The following RAB31 variants were observed in gnomAD, a reference collection of about 807,000 sequenced individuals.
RAB31 encodes the protein ras-related protein Rab-31.
In RAB31, 21 loss-of-function variants were observed where a neutral mutation model predicts 25.6. The ratio of observed to expected loss-of-function variants is 0.82; its 90% CI spans 0.58 to 1.18. The LOEUF is 1.18. RAB31 is among the 50% of genes most tolerant of loss of function. The pLI, the probability that RAB31 is intolerant of heterozygous loss-of-function variation, is 0.00. For missense variants in RAB31, 196 were observed against 250.1 expected, an observed-to-expected ratio of 0.78 and a Z score of 1.46; for synonymous variants, 87 against 84.0, an observed-to-expected ratio of 1.04 and a Z score of -0.20.
At chr18:9,790,405 A>G (rs77227321) in intron 2 of RAB31, among the ~76,000 whole-genome samples, 21 of 149,118 alleles carry the variant, frequency 1.4e-4, no homozygotes, top group African/African-American at 1.7e-4. Context: ...AAAAAAAAAA[A>G]TTTTTTTTTT....
intron 3 of RAB31, among the ~76,000 whole-genome samples, chr18:9,796,647 C>T (rs1009273965): frequency 7.2e-5 from 11 of 152,022 alleles, no homozygotes; most frequent in Admixed American, 3.3e-4. Flanking sequence ...AAACTTCTTT[C>T]GTATTTTTTA....
intron 3 of RAB31, among the ~76,000 whole-genome samples, chr18:9,805,896 T>A (rs965835481): frequency 7.9e-5 from 12 of 151,910 alleles, no homozygotes; most frequent in African/African-American, 2.7e-4. Flanking sequence ...GTGTGTCGAC[T>A]GGGCGCAGTG....
intron 1 of RAB31, among the ~76,000 whole-genome samples, chr18:9,760,151 C>T (rs1031558): frequency 0.8 from 119,953 of 150,394 alleles, 48,049 homozygotes; most frequent in South Asian, 0.85. Flanking sequence ...AAATGAGCTT[C>T]TCTTTCTTTT....
Position 9,845,682 on chromosome 18 carries a change from C to T in RAB31, c.481C>T (p.Gln161Ter). 1 of 1,552,380 alleles carries T rather than the reference C, an allele frequency of 6.4e-7. No homozygotes were observed. The change falls in exon 6 of 7, where the codon CAA (glutamine) becomes TAA (stop). Residue 161 changes from glutamine (Q) to a stop codon, truncating the protein, a stop_gained. Transcript: ENST00000578921. LOFTEE classifies it high-confidence loss of function. The stretch of plus-strand genomic sequence containing the variant: ...TGCTATTAATATCGAAGAGCTCTTT[C>T]AAGGAATCAGTAAGTACCTGAAATT... Reference protein sequence around the residue: ...KNAINIEELFQGISRQIPPLD... With the variant: ...KNAINIEELF
intron 5 of RAB31, among the ~76,000 whole-genome samples, chr18:9,828,252 G>A (rs918331354): frequency 2.0e-5 from 3 of 152,168 alleles, no homozygotes; most frequent in East Asian, 1.9e-4. Context: ...GGGTGGGCTC[G>A]ATGTGCTGGC....
chr18:9,737,935 G>A (rs187782901), intron 1 of RAB31, among the ~76,000 whole-genome samples: 6 of 152,132 alleles, frequency 3.9e-5, no homozygotes, highest in African/African-American at 1.4e-4. Context: ...TGCCCCCCAC[G>A]CTAACCAACA....
chr18:9,859,425 A>T lies in RAB31; in HGVS notation c.*100A>T. On this transcript the variant is annotated 3_prime_UTR_variant, in exon 7 of 7. Coordinates refer to ENST00000578921, the MANE Select transcript of RAB31 (RefSeq NM_006868.4). Reference sequence around the variant, plus strand: ...CGGTGGCCTGGCACCTCACTTTGAGAAGAGTGAGCACACTGGCTTTGCATC... The same window carrying T: ...CGGTGGCCTGGCACCTCACTTTGAGTAGAGTGAGCACACTGGCTTTGCATC... 1 of 996,654 alleles carries T rather than the reference A, an allele frequency of 1.0e-6. No homozygotes were observed. The allele number at this position is 996,654 out of a possible 1,614,324, so 61.7% of individuals were successfully genotyped here.
chr18:9,712,321 G>A (rs1215613836), intron 1 of RAB31, among the ~76,000 whole-genome samples: 2 of 152,206 alleles, frequency 1.3e-5, no homozygotes, highest in Non-Finnish European at 2.9e-5. Flanking sequence ...CATGGGGACA[G>A]CCCAGCAAGC....
chr18:9,854,206 C>G (rs2068804094), intron 6 of RAB31, among the ~76,000 whole-genome samples: 2 of 152,032 alleles, frequency 1.3e-5, no homozygotes, highest in Admixed American at 6.5e-5. Context: ...TCAACTCCCA[C>G]TTATGAGTGA....
At chr18:9,795,393 A>G (rs2068482019) in intron 3 of RAB31, among the ~76,000 whole-genome samples, 1 of 152,242 alleles carries the variant, frequency 6.6e-6, no homozygotes, top group South Asian at 2.1e-4. Context: ...AATAGACTTA[A>G]TTAAACTAAA....
intron 2 of RAB31, among the ~76,000 whole-genome samples, chr18:9,782,164 T>C (rs1325651888): frequency 6.6e-6 from 1 of 152,244 alleles, no homozygotes; most frequent in Non-Finnish European, 1.5e-5. Context: ...GTATAAACGT[T>C]CACACCTAGC....
At chr18:9,720,939 G>A (rs80235315) in intron 1 of RAB31, among the ~76,000 whole-genome samples, 1 of 152,212 alleles carries the variant, frequency 6.6e-6, no homozygotes, top group Admixed American at 6.5e-5. Context: ...ATGCAGATTT[G>A]GCTTAGCAGG....
intron 5 of RAB31, among the ~76,000 whole-genome samples, chr18:9,821,833 CATATT>C (rs150958945): frequency 6.6e-6 from 1 of 152,150 alleles, no homozygotes; most frequent in African/African-American, 2.4e-5. Context: ...AATGGAGAGA[CATATT>C]ATGTTTATGA....
intron 1 of RAB31, among the ~76,000 whole-genome samples, chr18:9,717,570 C>G (rs1199222957): frequency 6.6e-6 from 1 of 152,108 alleles, no homozygotes; most frequent in African/African-American, 2.4e-5. Context: ...TTCTCCAGGA[C>G]TACTCTCTGC....
chr18:9,805,387 T>G (rs989554320), intron 3 of RAB31, among the ~76,000 whole-genome samples: 1 of 152,242 alleles, frequency 6.6e-6, no homozygotes, highest in African/African-American at 2.4e-5. Flanking sequence ...CCTTGCCTTT[T>G]TCAGAGACCA....
intron 2 of RAB31, among the ~76,000 whole-genome samples, chr18:9,781,197 T>C (rs973378650): frequency 6.6e-6 from 1 of 152,234 alleles, no homozygotes; most frequent in Admixed American, 6.5e-5. Flanking sequence ...TGTAAAAGTT[T>C]GTATGATTTT....
intron 3 of RAB31, among the ~76,000 whole-genome samples, chr18:9,793,570 G>A (rs1042938220): frequency 6.6e-6 from 1 of 151,960 alleles, no homozygotes; most frequent in Admixed American, 6.6e-5. Flanking sequence ...GCTGAGGCAG[G>A]AGAATGGCGT....
Position 9,800,885 on chromosome 18 carries a change from G to A in RAB31, c.201+8650G>A, listed in dbSNP as rs76258641. On this transcript the variant is annotated intron_variant, in intron 3 of 6. Coordinates refer to ENST00000578921, the MANE Select transcript of RAB31 (RefSeq NM_006868.4). ...ACCTTGGTGGGTTCTGATGTGTTCC[G>A]AATTGTTCAACCATCAGCACAATCC... 9.0e-3 allele frequency among the ~76,000 whole-genome samples: 1,375 copies of A among 152,154 alleles called. 22 individuals are homozygous for A. Among genetic ancestry groups the A allele is most frequent in the African/African-American group, 0.032 (1,311 of 41,486 alleles).
chr18:9,715,012 C>G (rs938458843), intron 1 of RAB31, among the ~76,000 whole-genome samples: 1 of 152,204 alleles, frequency 6.6e-6, no homozygotes, highest in Non-Finnish European at 1.5e-5. Flanking sequence ...TGTGCTAACT[C>G]TGCTAGAGAC....
Sources: allele counts gnomAD v4.1 joint callset (sites outside exome capture counted in the v4.1 genomes callset), GRCh38; gene constraint gnomAD v4.1.1; transcripts MANE v1.5; gene names NCBI Gene and HGNC (gene_info 2026-07-23, HGNC 2026-07-21).